AKAP9: variants seen among roughly 807,000 people sequenced by gnomAD.
AKAP9 encodes A-kinase anchoring protein 9, also known as A-kinase anchor protein 9.
AKAP9 carries 311 observed loss-of-function variants against 488.5 expected under a neutral mutation model. That is an observed-to-expected ratio of 0.64 (90% CI 0.58 to 0.70). The LOEUF is 0.70. AKAP9 is among the 30% of genes least tolerant of loss of function. The pLI, the probability that AKAP9 is intolerant of heterozygous loss-of-function variation, is 0.00. For missense variants in AKAP9, 4,215 were observed against 4,374.5 expected (o/e 0.96, Z 1.03); for synonymous variants, 1,462 against 1,483.5 (o/e 0.99, Z 0.33).
chr7:92,043,957 C>T (rs1037441009), intron 20 of AKAP9, among the ~76,000 whole-genome samples: 1 of 152,128 alleles, frequency 6.6e-6, no homozygotes, highest in Non-Finnish European at 1.5e-5. Context: ...AACTGAGTTG[C>T]TAGGACAAGA....
chr7:92,023,385 G>T (rs1802608570), intron 14 of AKAP9, among the ~76,000 whole-genome samples: 1 of 152,160 alleles, frequency 6.6e-6, no homozygotes, highest in African/African-American at 2.4e-5. Context: ...TCATGGCAGG[G>T]TTTCCTCCAC....
At chr7:92,082,778 T>C in intron 32 of AKAP9, 116 bp downstream of exon 32, 1 of 1,217,182 alleles carries the variant, frequency 8.2e-7, no homozygotes, top group South Asian at 1.4e-5. Context: ...AGATAAAAAG[T>C]ATTTTGTGGA....
rs1481423649 is a variant in AKAP9, at chr7:92,001,922, G to C, written c.2005G>C (p.Gly669Arg). The stretch of plus-strand genomic sequence containing the variant: ...CATTCACTATAAACAGCAGATAGAT[G>C]GTTTACAGAATGAAATGAGTCAAAA... ...LGIHYKQQIDGLQNEMSQKIE... is the reference protein window; with the variant it reads ...LGIHYKQQIDRLQNEMSQKIE... Residue 669 changes from glycine (G) to arginine (R), a missense_variant, in exon 8 of 50, where the codon GGT (glycine) becomes CGT (arginine). By Grantham distance (125) the Gly-to-Arg change is moderately radical. Transcript: ENST00000356239. 1.9e-6 allele frequency: 3 copies of C among 1,612,238 alleles called. No homozygotes were observed. The highest frequency in any genetic ancestry group is 2.5e-6 in the Non-Finnish European group (3 of 1,179,096).
At chr7:91,978,505 A>T (rs1357168446) in intron 2 of AKAP9, among the ~76,000 whole-genome samples, 2 of 152,144 alleles carry the variant, frequency 1.3e-5, no homozygotes, top group Admixed American at 6.5e-5. Context: ...TGGAGTCAGA[A>T]AATTTGGATT....
At chr7:92,037,445 A>G (rs776025495) in intron 16 of AKAP9, among the ~76,000 whole-genome samples, 6 of 152,212 alleles carry the variant, frequency 3.9e-5, no homozygotes, top group Admixed American at 6.5e-5. Context: ...AGTAAATACA[A>G]ATATTTCTAA....
intron 14 of AKAP9, among the ~76,000 whole-genome samples, chr7:92,026,639 A>G (rs10264645): frequency 0.022 from 3,384 of 152,196 alleles, 144 homozygotes; most frequent in African/African-American, 0.078. Context: ...TCAGTGCTCA[A>G]TGTTGCCCAG....
intron 24 of AKAP9, 84 bp downstream of exon 24, chr7:92,062,570 T>G: frequency 9.4e-7 from 1 of 1,067,820 alleles, no homozygotes; most frequent in Non-Finnish European, 1.4e-6. Flanking sequence ...TTTTCCTCTT[T>G]CAGTGCCATT....
intron 1 of AKAP9, among the ~76,000 whole-genome samples, chr7:91,952,190 T>C (rs1269474254): frequency 6.6e-6 from 1 of 152,222 alleles, no homozygotes; most frequent in Non-Finnish European, 1.5e-5. Context: ...AGCTTGCCTC[T>C]GATACTTTCA....
chr7:92,015,336 A>G (rs1801359860), intron 10 of AKAP9, among the ~76,000 whole-genome samples: 1 of 151,928 alleles, frequency 6.6e-6, no homozygotes, highest in African/African-American at 2.4e-5. Context: ...GTGCATATAA[A>G]CTACATAAAA....
At chr7:91,941,551 G>T (rs1419719489) in intron 1 of AKAP9, among the ~76,000 whole-genome samples, 1 of 152,078 alleles carries the variant, frequency 6.6e-6, no homozygotes, top group Non-Finnish European at 1.5e-5. Flanking sequence ...TTGGGTTGGG[G>T]ATTTGTGCGC....
chr7:92,105,607 G>A (rs1818385344), intron 46 of AKAP9, 71 bp from the exon 47 acceptor site: 2 of 1,099,250 alleles, frequency 1.8e-6, no homozygotes, highest in Non-Finnish European at 2.8e-6. Context: ...AACGTGTGAT[G>A]TGATTTTTGT....
At chr7:92,015,475 G>A (rs1183612092) in intron 10 of AKAP9, among the ~76,000 whole-genome samples, 1 of 148,764 alleles carries the variant, frequency 6.7e-6, no homozygotes, top group Non-Finnish European at 1.5e-5. Flanking sequence ...AGCTATTCTT[G>A]TACCTCACCT....
intron 40 of AKAP9, among the ~76,000 whole-genome samples, chr7:92,096,399 A>G (rs1816584003): frequency 6.6e-6 from 1 of 150,734 alleles, no homozygotes; most frequent in Admixed American, 6.6e-5. Flanking sequence ...CAGTGGTGCA[A>G]TCTAGGCTCA....
chr7:91,956,719 A>G (rs192223739), intron 1 of AKAP9, among the ~76,000 whole-genome samples: 153 of 152,252 alleles, frequency 1.0e-3, no homozygotes, highest in Non-Finnish European at 1.7e-3. Flanking sequence ...CACAGTCCAG[A>G]TTGATTTAAG....
intron 14 of AKAP9, among the ~76,000 whole-genome samples, chr7:92,028,402 C>T (rs574160303): frequency 1.4e-5 from 2 of 146,402 alleles, no homozygotes; most frequent in South Asian, 4.5e-4. Flanking sequence ...GGAGGATTTT[C>T]TAGGCTGTGA....
intron 3 of AKAP9, among the ~76,000 whole-genome samples, chr7:91,991,124 CTGTG>C (rs1226158007): frequency 1.3e-5 from 2 of 152,164 alleles, no homozygotes; most frequent in African/African-American, 2.4e-5. Flanking sequence ...AACATATCCC[CTGTG>C]GATTAAGGAA....
intron 5 of AKAP9, 28 bp from the exon 6 acceptor site, chr7:91,994,593 A>G: frequency 1.3e-6 from 2 of 1,577,870 alleles, no homozygotes; most frequent in Non-Finnish European, 1.7e-6. Context: ...TAAAAAAAAT[A>G]AATCTAGCAC....
Position 92,089,429 on chromosome 7 carries a change from T to G in AKAP9, c.9258T>G (p.Asp3086Glu), listed in dbSNP as rs1815154696. ...CTATGGAATGCCTCCAGAAAGCAGATAGAAGGAGTTTGTTATCTGAAATTC... is the reference window on the plus strand; with the variant it reads ...CTATGGAATGCCTCCAGAAAGCAGAGAGAAGGAGTTTGTTATCTGAAATTC... ...QAAMECLQKADRRSLLSEIQA... is the reference protein window; with the variant it reads ...QAAMECLQKAERRSLLSEIQA... Residue 3086 changes from aspartate to glutamate, a missense_variant, in exon 38 of 50, where the codon GAT becomes GAG. Physicochemically the swap from Asp to Glu is conservative, Grantham distance 45 (BLOSUM62 2). Transcript: ENST00000356239. 3.7e-6 allele frequency: 6 copies of G among 1,612,282 alleles called. No individual in the cohort carries two copies. Among genetic ancestry groups the G allele is most frequent in the Non-Finnish European group, 5.1e-6 (6 of 1,179,718 alleles).
intron 17 of AKAP9, 97 bp from the exon 18 acceptor site, chr7:92,040,577 G>GAAGCTTT: frequency 1.2e-6 from 1 of 836,352 alleles, no homozygotes; most frequent in Non-Finnish European, 1.9e-6. Flanking sequence ...ATAAGGAATA[G>GAAGCTTT]AATTGCTTTC....
Sources: gnomAD v4.1 joint callset for allele counts (sites outside exome capture counted in the v4.1 genomes callset) on GRCh38, gnomAD v4.1.1 for gene constraint, MANE v1.5 for transcripts, NCBI Gene and HGNC (gene_info 2026-07-23, HGNC 2026-07-21) for gene names.